GCNT2: variants seen among roughly 807,000 people sequenced by gnomAD.
The protein encoded by GCNT2 is glucosaminyl (N-acetyl) transferase 2 (I blood group).
A neutral mutation model predicts 34.2 loss-of-function variants in GCNT2; 34 were observed. The observed-to-expected ratio is 1.00, with a 90% confidence interval of 0.76 to 1.32. The LOEUF (loss-of-function observed/expected upper bound fraction) is 1.32, where lower values mean the gene tolerates loss of function less well. GCNT2 is among the 40% of genes most tolerant of loss of function. The pLI is 0.00. For missense variants in GCNT2, 584 were observed against 489.4 expected, an observed-to-expected ratio of 1.19 and a Z score of -1.82; for synonymous variants, 212 against 188.0, an observed-to-expected ratio of 1.13 and a Z score of -1.04.
At chr6:10,540,538 G>A (rs533934542) in intron 3 of GCNT2, among the ~76,000 whole-genome samples, 5 of 58,576 alleles carry the variant, frequency 8.5e-5, no homozygotes, top group South Asian at 4.3e-4. Context: ...CTCTATGCCC[G>A]GGCCCTGCCC....
At chr6:10,587,248 A>T (rs1222553646) in intron 3 of GCNT2, among the ~76,000 whole-genome samples, 1 of 152,238 alleles carries the variant, frequency 6.6e-6, no homozygotes, top group East Asian at 1.9e-4. Context: ...AGCATTCTAG[A>T]ATTTAGGAGT....
intron 3 of GCNT2, among the ~76,000 whole-genome samples, chr6:10,601,942 AG>A (rs1467401962): frequency 0.11 from 9,324 of 87,026 alleles, 669 homozygotes; most frequent in African/African-American, 0.28. Context: ...CTCCATCTCA[AG>A]AAAAAAAAAA....
intron 3 of GCNT2, among the ~76,000 whole-genome samples, chr6:10,576,016 A>G (rs1376087075): frequency 6.6e-6 from 1 of 152,162 alleles, no homozygotes; most frequent in Non-Finnish European, 1.5e-5. Flanking sequence ...TTGCTCACAC[A>G]AAGCCTGTTT....
rs143488913 is a variant in GCNT2 at position 10,570,785 on chromosome 6, A to G, written c.925+40949A>G. On this transcript the variant is annotated intron_variant, in intron 3 of 4. Coordinates refer to ENST00000495262, the MANE Select transcript of GCNT2 (RefSeq NM_145649.5). ...TCCCCAAGACCCTGAAGTCCTTGCT[A>G]TGTTTTGGGCCATGTCCTAGAGAGG... 3.4e-4 allele frequency among the ~76,000 whole-genome samples: 52 copies of G among 152,194 alleles called. 1 individual carries two copies. The East Asian group carries it at 8.7e-3, about 25-fold the overall frequency.
intron 3 of GCNT2, chr6:10,585,980 A>G: frequency 1.9e-6 from 3 of 1,613,758 alleles, no homozygotes; most frequent in Non-Finnish European, 2.5e-6. Flanking sequence ...TCCCCAGGGA[A>G]GTGAAAATAA....
At chr6:10,550,398 A>G (rs9460849) in intron 3 of GCNT2, among the ~76,000 whole-genome samples, 19,289 of 151,964 alleles carry the variant, frequency 0.13, 1,391 homozygotes, top group African/African-American at 0.2. Flanking sequence ...GTCATTGAGA[A>G]AAAAAAATCG....
chr6:10,557,001 T>TC, intron 3 of GCNT2: 1 of 1,613,522 alleles, frequency 6.2e-7, no homozygotes, highest in Non-Finnish European at 8.5e-7. Context: ...GGGCAAGACT[T>TC]CCCCCTGAAA....
At chr6:10,526,489 G>A (rs1413019635) in intron 1 of GCNT2, among the ~76,000 whole-genome samples, 2 of 152,170 alleles carry the variant, frequency 1.3e-5, no homozygotes, top group East Asian at 3.8e-4. Context: ...TAATACCCAA[G>A]GCACACCAAG....
In GCNT2 at chr6:10,626,580, T is replaced by C; in HGVS notation, c.1182T>C (p.Thr394=). 1 of 1,613,830 alleles carries C rather than the reference T, an allele frequency of 6.2e-7. No homozygotes were observed. Among genetic ancestry groups the C allele is most frequent in the Non-Finnish European group, 8.5e-7 (1 of 1,179,726 alleles). ...AAAGAACCCTCAATCAGAGTGAAAC[T>C]GCGATACAACCCAGCTGGTATTTTT... ...HRERTLNQSE[T]AIQPSWYF The change falls in exon 5 of 5, where the codon ACT becomes ACC. Residue 394 remains threonine, a synonymous_variant. Transcript: ENST00000495262.
At chr6:10,568,176 T>G (rs892295138) in intron 3 of GCNT2, among the ~76,000 whole-genome samples, 1 of 152,134 alleles carries the variant, frequency 6.6e-6, no homozygotes, top group Non-Finnish European at 1.5e-5. Flanking sequence ...GACCATTCAC[T>G]TCCCTGTAGT....
chr6:10,553,818 C>T (rs2113648134), intron 3 of GCNT2, among the ~76,000 whole-genome samples: 1 of 152,366 alleles, frequency 6.6e-6, no homozygotes, highest in African/African-American at 2.4e-5. Context: ...TGCTTGACCC[C>T]AGGAGGTCAA....
intron 3 of GCNT2, chr6:10,586,395 T>C: frequency 6.2e-7 from 1 of 1,614,118 alleles, no homozygotes; most frequent in Non-Finnish European, 8.5e-7. Flanking sequence ...CCCAGCTGAG[T>C]ATAAGGAATC....
chr6:10,545,950 A>C (rs931688695), intron 3 of GCNT2, among the ~76,000 whole-genome samples: 10 of 152,226 alleles, frequency 6.6e-5, no homozygotes, highest in Non-Finnish European at 1.3e-4. Context: ...CAAAGGTTGC[A>C]GGGTCTAGTT....
At chr6:10,577,116 CT>C (rs1763854937) in intron 3 of GCNT2, among the ~76,000 whole-genome samples, 1 of 152,190 alleles carries the variant, frequency 6.6e-6, no homozygotes, top group South Asian at 2.1e-4. Flanking sequence ...AAAAGAAGCA[CT>C]CAGGAGGCTG....
At chr6:10,579,635 G>A (rs1038672394) in intron 3 of GCNT2, among the ~76,000 whole-genome samples, 13 of 151,970 alleles carry the variant, frequency 8.6e-5, no homozygotes, top group Non-Finnish European at 1.0e-4. Flanking sequence ...GGCCTACAGA[G>A]TGAAATCCCG....
intron 3 of GCNT2, chr6:10,557,034 A>G: frequency 6.2e-7 from 1 of 1,613,092 alleles, no homozygotes; most frequent in South Asian, 1.1e-5. Flanking sequence ...ATAGTTCAGT[A>G]TCTGAAAGGA....
chr6:10,577,539 T>C lies in GCNT2; in HGVS notation c.926-43812T>C, dbSNP rs376636082. On this transcript the variant is annotated intron_variant, in intron 3 of 4. Transcript: ENST00000495262. Reference sequence around the variant, plus strand: ...TGGTTTGTTGAATGCGTTTATTTTTTATTTTATTTTATTTTTTTGAGATAG... The same window carrying C: ...TGGTTTGTTGAATGCGTTTATTTTTCATTTTATTTTATTTTTTTGAGATAG... Among the ~76,000 whole-genome samples, 14 of 152,268 alleles carry C rather than the reference T, an allele frequency of 9.2e-5. No individual in the cohort carries two copies. The East Asian group carries it at 2.7e-3, about 29-fold the overall frequency.
intron 3 of GCNT2, chr6:10,556,509 G>A: frequency 6.2e-7 from 1 of 1,614,006 alleles, no homozygotes; most frequent in Non-Finnish European, 8.5e-7. Context: ...AATTTTGGGG[G>A]AGATCCAAGC....
At chr6:10,565,646 T>C (rs964240620) in intron 3 of GCNT2, among the ~76,000 whole-genome samples, 1 of 152,186 alleles carries the variant, frequency 6.6e-6, no homozygotes, top group Non-Finnish European at 1.5e-5. Flanking sequence ...TCGCAATGTA[T>C]CTTCCTACTT....
Sources: gnomAD v4.1 joint callset for allele counts (sites outside exome capture counted in the v4.1 genomes callset) on GRCh38, gnomAD v4.1.1 for gene constraint, MANE v1.5 for transcripts, NCBI Gene and HGNC (gene_info 2026-07-23, HGNC 2026-07-21) for gene names.